The following ZNF417 variants were observed in gnomAD, a reference collection of about 807,000 sequenced individuals.
The protein encoded by ZNF417 is zinc finger protein 417.
ZNF417 carries 5 observed loss-of-function variants against 7.4 expected under a neutral mutation model. That is an observed-to-expected ratio of 0.68 (90% CI 0.35 to 1.43). ZNF417 has a LOEUF of 1.43. Ranked by LOEUF, ZNF417 falls within the 40% of genes most tolerant of loss-of-function variation. The pLI, the probability that ZNF417 is intolerant of heterozygous loss-of-function variation, is 0.04. For missense variants in ZNF417, 437 were observed against 697.3 expected (o/e 0.63, Z 4.20); for synonymous variants, 147 against 239.1 (o/e 0.61, Z 3.55).
intron 2 of ZNF417, 147 bp downstream of exon 2, chr19:57,911,913 G>A (rs1232197834): frequency 7.3e-7 from 1 of 1,377,052 alleles, no homozygotes; most frequent in Non-Finnish European, 9.5e-7. Flanking sequence ...CTTAAGGAAA[G>A]GAAAAGGCAA....
chr19:57,911,940 A>T (rs767886677), intron 2 of ZNF417, 120 bp downstream of exon 2: 220 of 1,464,756 alleles, frequency 1.5e-4, no homozygotes, highest in Non-Finnish European at 1.9e-4. Flanking sequence ...CAACTTACAT[A>T]GAGAAGTGTA....
Position 57,907,974 on chromosome 19 carries a change from A to G in ZNF417, c.*576T>C, listed in dbSNP as rs777780771. 1.2e-5 allele frequency: 2 copies of G among 160,418 alleles called. No individual in the cohort carries two copies. Among genetic ancestry groups the G allele is most frequent in the Non-Finnish European group, 2.8e-5 (2 of 72,580 alleles). The allele number at this position is 160,418 out of a possible 1,614,324, so 9.9% of individuals were successfully genotyped here. A position where few individuals can be genotyped will look rare whatever the true frequency, so the allele number is the denominator to read the frequency against. ...GTAGAGGACTCGGAGCTCTGAGGTA[A>G]TTGGAGCTCATGGCTATCCCAGAAC... On this transcript the variant is annotated 3_prime_UTR_variant, in exon 3 of 3. Transcript: ENST00000312026.
Position 57,908,239 on chromosome 19 carries a change from A to G in ZNF417, c.*311T>C, listed in dbSNP as rs1326266204. On this transcript the variant is annotated 3_prime_UTR_variant, in exon 3 of 3. Transcript: ENST00000312026. ...ATAACCAGCTCATAGCTCTTGTGGT[A>G]CTGAAAACCAAGTATTTGGCCGGGC... 2 of 424,976 alleles carry G rather than the reference A, an allele frequency of 4.7e-6. No individual in the cohort carries two copies. Among genetic ancestry groups the G allele is most frequent in the Non-Finnish European group, 8.6e-6 (2 of 231,432 alleles). The allele number at this position is 424,976 out of a possible 1,614,324, so 26.3% of individuals were successfully genotyped here.
intron 1 of ZNF417, chr19:57,915,635 T>A: frequency 2.7e-6 from 1 of 368,734 alleles, no homozygotes. Flanking sequence ...CTGAATTAAC[T>A]TAGGGAAGGA....
chr19:57,908,163 C>A lies in ZNF417; in HGVS notation c.*387G>T. On this transcript the variant is annotated 3_prime_UTR_variant, in exon 3 of 3. Coordinates refer to ENST00000312026, the MANE Select transcript of ZNF417 (RefSeq NM_152475.3). ...ACATCTTAACTGTTTCACTGCCCAG[C>A]AATCTATACGTATTGTCACTTGGGG... The A allele has an allele frequency of 4.0e-6, 1 of 247,176 alleles. No homozygotes were observed. The allele number at this position is 247,176 out of a possible 1,614,324, so 15.3% of individuals were successfully genotyped here.
At chr19:57,914,568 T>C (rs1305468312) in intron 1 of ZNF417, among the ~76,000 whole-genome samples, 1 of 150,956 alleles carries the variant, frequency 6.6e-6, no homozygotes, top group Non-Finnish European at 1.5e-5. Flanking sequence ...TCCAGACTCA[T>C]GTGATTTGCC....
chr19:57,912,487 A>G (rs891643788), intron 1 of ZNF417, among the ~76,000 whole-genome samples: 9 of 152,158 alleles, frequency 5.9e-5, no homozygotes, highest in African/African-American at 2.2e-4. Flanking sequence ...AGCCCATTGG[A>G]CAAACTCCCT....
chr19:57,914,273 G>A (rs2071924532), intron 1 of ZNF417, among the ~76,000 whole-genome samples: 1 of 151,890 alleles, frequency 6.6e-6, no homozygotes, highest in South Asian at 2.1e-4. Flanking sequence ...ATCACCTGAG[G>A]TCAGGAGTTC....
At position 57,909,079 on chromosome 19, in the gene ZNF417, C is replaced by T. The variant is rs1194949298; in HGVS notation, c.1199G>A (p.Arg400Gln). The T allele has an allele frequency of 1.5e-5, 24 of 1,614,092 alleles. No individual in the cohort carries two copies. The highest frequency in any genetic ancestry group is 9.3e-5 in the African/African-American group (7 of 74,930). ...GQKGNLVQHQ[R>Q]GHTGERPYEC... ...ATAGGGCCTTTCTCCAGTATGACCT[C>T]GCTGATGTTGAACGAGGTTGCCCTT... The change falls in exon 3 of 3, where the codon CGA (arginine) becomes CAA (glutamine). Residue 400 changes from arginine to glutamine, a missense_variant. Coordinates refer to ENST00000312026, the MANE Select transcript of ZNF417 (RefSeq NM_152475.3).
In ZNF417 at chr19:57,916,485, G is replaced by A. The variant is rs1039436636; in HGVS notation, c.-74C>T. ...GGCTGCAGAGCCGCCTCTGGGCACC[G>A]AGGACGATTCCTCTCCACCTTCTAG... On this transcript the variant is annotated 5_prime_UTR_variant, in exon 1 of 3. Coordinates refer to ENST00000312026, the MANE Select transcript of ZNF417 (RefSeq NM_152475.3). The A allele has an allele frequency of 5.0e-6, 8 of 1,611,104 alleles. No homozygotes were observed. The highest frequency in any genetic ancestry group is 1.7e-4 in the Middle Eastern group (1 of 5,976).
chr19:57,916,165 A>G (rs544521493), intron 1 of ZNF417, among the ~76,000 whole-genome samples: 3 of 152,238 alleles, frequency 2.0e-5, no homozygotes, highest in Non-Finnish European at 4.4e-5. Flanking sequence ...GTCTTCATAA[A>G]TCGGCTCTGT....
chr19:57,908,011 A>G lies in ZNF417; in HGVS notation c.*539T>C, dbSNP rs2122514206. The G allele has an allele frequency of 6.1e-6, 1 of 162,926 alleles. No individual in the cohort carries two copies. The highest frequency in any genetic ancestry group is 5.7e-5 in the Admixed American group (1 of 17,568). 10.1% of individuals were successfully genotyped at this position (162,926 alleles called of 1,614,324 possible). ...GGCTATCCCAGAACTTGGATAACAT[A>G]AAGTTCTTGTTTCTACAAAGTGTGT... On this transcript the variant is annotated 3_prime_UTR_variant, in exon 3 of 3. Transcript: ENST00000312026.
At position 57,911,445 on chromosome 19, in the gene ZNF417, C is replaced by T. The variant is rs762538951; in HGVS notation, c.163+615G>A. ...AGGGACAGGCTCCCTTTGAGCCTAT[C>T]GTGATGAGCCTGAATTGAACCACAT... On this transcript the variant is annotated intron_variant, in intron 2 of 2. Transcript: ENST00000312026. Among the ~76,000 whole-genome samples, 292 of 152,292 alleles carry T rather than the reference C, an allele frequency of 1.9e-3. 3 individuals are homozygous for T. Among genetic ancestry groups the T allele is most frequent in the Non-Finnish European group, 3.0e-3 (202 of 68,032 alleles).
intron 1 of ZNF417, among the ~76,000 whole-genome samples, chr19:57,913,661 G>A (rs575767062): frequency 2.6e-5 from 4 of 152,272 alleles, no homozygotes; most frequent in African/African-American, 9.6e-5. Flanking sequence ...TTACTCCTAT[G>A]CTTCTGCATG....
At chr19:57,916,259 G>A (rs1156830715) in intron 1 of ZNF417, 120 bp downstream of exon 1, 1 of 1,573,958 alleles carries the variant, frequency 6.4e-7, no homozygotes, top group South Asian at 1.1e-5. Flanking sequence ...TCCTGCGAGC[G>A]CCTCAGTGTT....
At position 57,916,525 on chromosome 19, in the gene ZNF417, G is replaced by GT. The variant is rs2071951094; in HGVS notation, c.-115dup. On this transcript the variant is annotated 5_prime_UTR_variant, in exon 1 of 3. Transcript: ENST00000312026. ...CCACCTTCTAGGTTCAGTCACCGCG[G>GT]TCCCCCCCCAGCACTCAGGGGCCAC... The GT allele has an allele frequency of 6.3e-7, 1 of 1,579,474 alleles. No individual in the cohort carries two copies. Among genetic ancestry groups the GT allele is most frequent in the African/African-American group, 1.3e-5 (1 of 74,306 alleles).
Position 57,909,100 on chromosome 19 carries a change from C to T in ZNF417, c.1178G>A (p.Gly393Asp). Residue 393 changes from glycine to aspartate, a missense_variant, in exon 3 of 3, where the codon GGC becomes GAC. By Grantham distance (94) the Gly-to-Asp change is moderately conservative. This residue lies in a region of ZNF417 where 233 missense variants were observed against 235.5 expected (regional missense o/e 0.99). Coordinates refer to ENST00000312026, the MANE Select transcript of ZNF417 (RefSeq NM_152475.3). ...ACCTCGCTGATGTTGAACGAGGTTG[C>T]CCTTTTGACCAAAAGATTTTCCACA... is the stretch of plus-strand genomic sequence containing the variant. ...GECGKSFGQK[G>D]NLVQHQRGHT... The T allele has an allele frequency of 6.2e-7, 1 of 1,613,996 alleles. No homozygotes were observed. Among genetic ancestry groups the T allele is most frequent in the Non-Finnish European group, 8.5e-7 (1 of 1,180,004 alleles).
At chr19:57,910,948 G>C (rs12975126) in intron 2 of ZNF417, among the ~76,000 whole-genome samples, 38,578 of 152,200 alleles carry the variant, frequency 0.25, 5,325 homozygotes, top group Non-Finnish European at 0.31. Context: ...GGGCGGCTGA[G>C]GCAGGAAAAT....
chr19:57,909,120 T>C lies in ZNF417; in HGVS notation c.1158A>G (p.Gly386=), dbSNP rs199756105. ...GGTTGCCCTTTTGACCAAAAGATTT[T>C]CCACATTCTCCACACTTGTAAGGCC... ...GERPYKCGEC[G]KSFGQKGNLV... The change falls in exon 3 of 3, where the codon GGA becomes GGG. Residue 386 remains glycine, a synonymous_variant. Transcript: ENST00000312026. 2,172 of 1,610,474 alleles carry C rather than the reference T, an allele frequency of 1.3e-3. 7 individuals are homozygous for C. Among genetic ancestry groups the C allele is most frequent in the South Asian group, 2.1e-3 (189 of 90,944 alleles).
Sources: gnomAD v4.1 joint callset for allele counts (sites outside exome capture counted in the v4.1 genomes callset) on GRCh38, gnomAD v4.1.1 for gene constraint, gnomAD v4.1.1 regional missense constraint, MANE v1.5 for transcripts, NCBI Gene and HGNC (gene_info 2026-07-23, HGNC 2026-07-21) for gene names.